GALNT9: variants seen among roughly 807,000 people sequenced by gnomAD.
GALNT9 encodes polypeptide N-acetylgalactosaminyltransferase 9, also known as GalNAc transferase 9.
A neutral mutation model predicts 63.1 loss-of-function variants in GALNT9; 47 were observed. That is an observed-to-expected ratio of 0.75 (90% CI 0.59 to 0.95). The LOEUF (loss-of-function observed/expected upper bound fraction) is 0.95. GALNT9 is among the 40% of genes least tolerant of loss of function. The pLI is 0.00. For missense variants in GALNT9, 829 were observed against 874.8 expected, an observed-to-expected ratio of 0.95 and a Z score of 0.66; for synonymous variants, 396 against 365.7, an observed-to-expected ratio of 1.08 and a Z score of -0.94.
chr12:132,283,087 CAG>C (rs1339047465), intron 2 of GALNT9: 42 of 152,416 alleles, frequency 2.8e-4, no homozygotes, highest in African/African-American at 8.7e-4. Flanking sequence ...AGTCCTGACT[CAG>C]AGACGACCCG....
intron 6 of GALNT9, among the ~76,000 whole-genome samples, chr12:132,219,957 G>GGGCACCTCCCCAGGGC (rs1176148728): frequency 6.6e-6 from 1 of 152,218 alleles, no homozygotes; most frequent in African/African-American, 2.4e-5. Context: ...TAAGGGGAAG[G>GGGCACCTCCCCAGGGC]GGCACCTCCC....
intron 2 of GALNT9, chr12:132,284,676 G>A (rs1254124353): frequency 2.0e-5 from 3 of 152,282 alleles, no homozygotes; most frequent in Non-Finnish European, 2.9e-5. Flanking sequence ...AAGGACTCGG[G>A]GAAACCCCCT....
In GALNT9 at chr12:132,226,002, CACCCCACAT is replaced by C. The variant is rs1185583275; in HGVS notation, c.1077+21899_1077+21907del. On this transcript the variant is annotated intron_variant, in intron 6 of 10. Coordinates refer to ENST00000328957, the MANE Select transcript of GALNT9 (RefSeq NM_001122636.2). The stretch of plus-strand genomic sequence containing the variant: ...ACACCCCACACACATACACCCCACA[CACCCCACAT>C]TGTACACACCCCACATACACCCCAT... Among the ~76,000 whole-genome samples, 4 of 147,876 alleles carry C rather than the reference CACCCCACAT, an allele frequency of 2.7e-5. No individual in the cohort carries two copies. The East Asian group carries it at 6.1e-4, about 23-fold the overall frequency.
intron 1 of GALNT9, among the ~76,000 whole-genome samples, chr12:132,311,701 T>C (rs78221075): frequency 0.052 from 7,904 of 152,196 alleles, 387 homozygotes; most frequent in East Asian, 0.13. Flanking sequence ...ACCGTGACCT[T>C]TGTCCAGCAA....
intron 6 of GALNT9, among the ~76,000 whole-genome samples, chr12:132,215,680 G>C (rs1249526471): frequency 6.6e-6 from 1 of 152,224 alleles, no homozygotes; most frequent in Non-Finnish European, 1.5e-5. Flanking sequence ...ACCAGCACCC[G>C]GGTCCCACGA....
At chr12:132,308,803 C>T (rs548329765) in intron 1 of GALNT9, among the ~76,000 whole-genome samples, 57 of 152,304 alleles carry the variant, frequency 3.7e-4, no homozygotes, top group East Asian at 1.2e-3. Flanking sequence ...TTCTGAGCCA[C>T]GTGTGCACCG....
Position 132,273,428 on chromosome 12 carries a change from G to A in GALNT9, c.420-10803C>T, listed in dbSNP as rs145563205. On this transcript the variant is annotated intron_variant, in intron 2 of 10. Coordinates refer to ENST00000328957, the MANE Select transcript of GALNT9 (RefSeq NM_001122636.2). The stretch of plus-strand genomic sequence containing the variant: ...TGCCTCCTGGTTTCCAGCTGTGCCC[G>A]AATCAGCTCGCCCCACTTCAATGGT... 6.8e-3 allele frequency: 1,037 copies of A among 152,482 alleles called. 5 individuals carry two copies. Among genetic ancestry groups the A allele is most frequent in the Non-Finnish European group, 7.8e-3 (534 of 68,150 alleles). 9.4% of individuals were successfully genotyped at this position (152,482 alleles called of 1,614,324 possible).
chr12:132,291,710 A>T (rs1237375552), intron 1 of GALNT9, among the ~76,000 whole-genome samples: 1 of 133,726 alleles, frequency 7.5e-6, no homozygotes, highest in Non-Finnish European at 1.7e-5. Flanking sequence ...TCCATGGCGC[A>T]CACATCCACA....
intron 1 of GALNT9, among the ~76,000 whole-genome samples, chr12:132,287,723 T>TGGTCAGGGTGTGTG (rs1413353589): frequency 3.3e-5 from 5 of 152,020 alleles, no homozygotes; most frequent in Non-Finnish European, 7.4e-5. Context: ...CTCCGCAGCT[T>TGGTCAGGGTGTGTG]GGTCAGGGTG....
At chr12:132,291,552 C>T (rs1308714099) in intron 1 of GALNT9, among the ~76,000 whole-genome samples, 1 of 150,822 alleles carries the variant, frequency 6.6e-6, no homozygotes, top group African/African-American at 2.4e-5. Context: ...CACCGACATC[C>T]ACAGCACCCA....
chr12:132,265,354 C>T lies in GALNT9; in HGVS notation c.420-2729G>A, dbSNP rs1241897071. 6.6e-6 allele frequency among the ~76,000 whole-genome samples: 1 copy of T among 152,188 alleles called. No homozygotes were observed. Among genetic ancestry groups the T allele is most frequent in the Admixed American group, 6.5e-5 (1 of 15,280 alleles). On this transcript the variant is annotated intron_variant, in intron 2 of 10. Coordinates refer to ENST00000328957, the MANE Select transcript of GALNT9 (RefSeq NM_001122636.2). This position sits in a 1 kb window ranked among gnomAD's most constrained non-coding sequence, Gnocchi z 5.3. Reference sequence around the variant, plus strand: ...GCTGAACGGTGTCCTCCTCCCGCGACCCAAGACACAGTGTCAGCAGGACAT... The same window carrying T: ...GCTGAACGGTGTCCTCCTCCCGCGATCCAAGACACAGTGTCAGCAGGACAT...
chr12:132,276,431 A>G (rs1181626141), intron 2 of GALNT9: 3 of 155,194 alleles, frequency 1.9e-5, no homozygotes, highest in Middle Eastern at 5.1e-4. Flanking sequence ...CTCCCTTCCC[A>G]TCCCAGACCC....
intron 5 of GALNT9, among the ~76,000 whole-genome samples, chr12:132,248,953 T>G (rs1878814395): frequency 1.3e-5 from 2 of 152,200 alleles, no homozygotes; most frequent in Admixed American, 1.3e-4. Flanking sequence ...GAAGGCAGGA[T>G]CTGCAGAGTG....
intron 6 of GALNT9, among the ~76,000 whole-genome samples, chr12:132,221,503 C>T (rs1344955199): frequency 1.3e-5 from 2 of 149,436 alleles, no homozygotes; most frequent in Admixed American, 6.7e-5. Flanking sequence ...ACTAAAAATA[C>T]AAAAATTAGC....
intron 6 of GALNT9, chr12:132,205,677 G>A (rs1386493564): frequency 6.6e-6 from 1 of 152,304 alleles, no homozygotes; most frequent in Non-Finnish European, 1.5e-5. Flanking sequence ...TCACATCGTG[G>A]CAGGTGGTTT....
rs139836376 is a variant in GALNT9 at position 132,196,519 on chromosome 12, CCT to C, written c.*586_*587del. ...GACACACACAGTGCTGCTGCCTAAT[CCT>C]CTCTTTATTTGGTCTCTGCTGAAGC... On this transcript the variant is annotated 3_prime_UTR_variant, in exon 11 of 11. Transcript: ENST00000328957. The C allele has an allele frequency of 0.043, 42,356 of 985,716 alleles. 1,006 individuals are homozygous for C. The highest frequency in any genetic ancestry group is 0.077 in the Middle Eastern group (147 of 1,914). 61.1% of individuals were successfully genotyped at this position (985,716 alleles called of 1,614,324 possible).
chr12:132,214,978 CGTGAGGCT>C (rs1223017325), intron 6 of GALNT9, among the ~76,000 whole-genome samples: 1 of 152,236 alleles, frequency 6.6e-6, no homozygotes, highest in Non-Finnish European at 1.5e-5. Flanking sequence ...GCAAAGCCAG[CGTGAGGCT>C]GTGAGAGTGG....
chr12:132,287,968 CCT>C (rs1880669386), intron 1 of GALNT9, among the ~76,000 whole-genome samples: 1 of 152,190 alleles, frequency 6.6e-6, no homozygotes, highest in South Asian at 2.1e-4. Context: ...GGCATGGACC[CCT>C]GAGGCTGGGC....
chr12:132,218,673 G>C (rs7306456), intron 6 of GALNT9, among the ~76,000 whole-genome samples: 7 of 152,148 alleles, frequency 4.6e-5, no homozygotes, highest in Non-Finnish European at 8.8e-5. Flanking sequence ...TGTATTTATC[G>C]CTGGAAAGGC....
Sources: allele counts gnomAD v4.1 joint callset (sites outside exome capture counted in the v4.1 genomes callset), GRCh38; gene constraint gnomAD v4.1.1; non-coding constraint Gnocchi (gnomAD v3.1); transcripts MANE v1.5; gene names NCBI Gene and HGNC (gene_info 2026-07-23, HGNC 2026-07-21).